AGBL4: variants seen among roughly 807,000 people sequenced by gnomAD.
AGBL4 encodes the protein cytosolic carboxypeptidase 6.
AGBL4 carries 58 observed loss-of-function variants against 66.4 expected under a neutral mutation model. The ratio of observed to expected loss-of-function variants is 0.87; its 90% CI spans 0.71 to 1.09. The LOEUF is 1.09. Ranked by LOEUF, AGBL4 falls within the 50% of genes least tolerant of loss-of-function variation. AGBL4 has a pLI of 0.00. For synonymous variants in AGBL4, 234 were observed against 222.9 expected, an observed-to-expected ratio of 1.05 and a Z score of -0.44; for missense variants, 579 against 631.0, an observed-to-expected ratio of 0.92 and a Z score of 0.88.
chr1:49,745,306 G>C (rs1316047851), intron 2 of AGBL4, among the ~76,000 whole-genome samples: 1 of 151,972 alleles, frequency 6.6e-6, no homozygotes, highest in African/African-American at 2.4e-5. Flanking sequence ...TCCAAAAAAA[G>C]ATGAGAACAG....
chr1:48,628,994 T>C (rs1353130622), intron 9 of AGBL4, among the ~76,000 whole-genome samples: 1 of 152,012 alleles, frequency 6.6e-6, no homozygotes, highest in Non-Finnish European at 1.5e-5. Flanking sequence ...TATTAATCTC[T>C]GTAACCCCAG....
chr1:48,711,088 C>CA (rs1373807725), intron 6 of AGBL4, among the ~76,000 whole-genome samples: 2 of 152,146 alleles, frequency 1.3e-5, no homozygotes, highest in Non-Finnish European at 2.9e-5. Flanking sequence ...GGAGGTCCTC[C>CA]AGGGCCTGAC....
intron 3 of AGBL4, among the ~76,000 whole-genome samples, chr1:49,400,648 T>C (rs1557905210): frequency 6.6e-6 from 1 of 152,210 alleles, no homozygotes; most frequent in African/African-American, 2.4e-5. Flanking sequence ...GATTACTTTT[T>C]AATTTCTTTT....
intron 4 of AGBL4, among the ~76,000 whole-genome samples, chr1:49,211,542 C>G (rs1347483653): frequency 6.6e-6 from 1 of 151,908 alleles, no homozygotes; most frequent in Non-Finnish European, 1.5e-5. Flanking sequence ...AAAAAAATAC[C>G]TCAACAAACA....
intron 2 of AGBL4, among the ~76,000 whole-genome samples, chr1:49,754,058 A>G (rs1228255963): frequency 6.6e-6 from 1 of 152,156 alleles, no homozygotes; most frequent in Admixed American, 6.5e-5. Flanking sequence ...CCACATTCTG[A>G]AGCCTACTTC....
intron 5 of AGBL4, among the ~76,000 whole-genome samples, chr1:48,888,132 A>T (rs1319696241): frequency 1.3e-5 from 2 of 152,312 alleles, no homozygotes. Context: ...CAGCACAAGC[A>T]ACTCAGTTAG....
At chr1:49,138,155 C>T (rs905560397) in intron 4 of AGBL4, among the ~76,000 whole-genome samples, 2 of 152,154 alleles carry the variant, frequency 1.3e-5, no homozygotes, top group Admixed American at 6.6e-5. Context: ...CAGAGCCAGA[C>T]GTTAGAGAGC....
intron 5 of AGBL4, among the ~76,000 whole-genome samples, chr1:48,979,973 T>C (rs975679212): frequency 1.3e-5 from 2 of 152,324 alleles, no homozygotes; most frequent in Non-Finnish European, 2.9e-5. Context: ...TCATTCTGTA[T>C]ATAATAGCTT....
chr1:49,695,856 G>C (rs76415457), intron 3 of AGBL4, among the ~76,000 whole-genome samples: 2,502 of 152,166 alleles, frequency 0.016, 27 homozygotes, highest in Non-Finnish European at 0.025. Flanking sequence ...AAAGCAAAGT[G>C]GCTGTATTTG....
At chr1:49,654,849 A>C (rs961278606) in intron 3 of AGBL4, among the ~76,000 whole-genome samples, 3 of 152,232 alleles carry the variant, frequency 2.0e-5, no homozygotes, top group African/African-American at 7.2e-5. Context: ...CTGAATACAG[A>C]ACACTGATGA....
intron 6 of AGBL4, among the ~76,000 whole-genome samples, chr1:48,826,070 G>T (rs1450669297): frequency 1.3e-5 from 2 of 151,998 alleles, no homozygotes; most frequent in Non-Finnish European, 2.9e-5. Context: ...TCCCTTTATT[G>T]CATTTAAGCC....
At chr1:49,629,777 CTA>C (rs1213078448) in intron 3 of AGBL4, among the ~76,000 whole-genome samples, 1 of 152,148 alleles carries the variant, frequency 6.6e-6, no homozygotes, top group East Asian at 1.9e-4. Flanking sequence ...AATGTATCTG[CTA>C]TAGTATTACG....
intron 6 of AGBL4, chr1:48,776,676 C>G: frequency 6.6e-7 from 1 of 1,506,958 alleles, no homozygotes; most frequent in East Asian, 2.8e-5. Context: ...GCGGGGGGCT[C>G]TCGGGCCCGG....
chr1:49,347,497 C>T (rs552457939), intron 3 of AGBL4, among the ~76,000 whole-genome samples: 72 of 152,038 alleles, frequency 4.7e-4, no homozygotes, highest in African/African-American at 1.5e-3. Context: ...ATGATCCGCC[C>T]GCCTCAGCTT....
intron 4 of AGBL4, among the ~76,000 whole-genome samples, chr1:49,095,928 G>T (rs1645090657): frequency 6.6e-6 from 1 of 152,004 alleles, no homozygotes; most frequent in African/African-American, 2.4e-5. Flanking sequence ...GAAAATTTTT[G>T]CAATCTACTC....
chr1:49,075,041 GA>G (rs1237432594), intron 4 of AGBL4, among the ~76,000 whole-genome samples: 2 of 152,144 alleles, frequency 1.3e-5, no homozygotes, highest in Non-Finnish European at 2.9e-5. Flanking sequence ...CACTTGAAGA[GA>G]AAGGGATTAA....
chr1:49,805,587 C>T (rs1355358313), intron 2 of AGBL4, among the ~76,000 whole-genome samples: 2 of 152,094 alleles, frequency 1.3e-5, no homozygotes, highest in African/African-American at 4.8e-5. Context: ...GAGGTGATGT[C>T]CTTGAGTAGC....
intron 3 of AGBL4, among the ~76,000 whole-genome samples, chr1:49,541,277 T>C (rs1651995194): frequency 6.6e-6 from 1 of 152,120 alleles, no homozygotes; most frequent in Non-Finnish European, 1.5e-5. Context: ...TGGGAGCCCC[T>C]CTCTGGGCTG....
chr1:49,419,000 C>A (rs1202934372), intron 3 of AGBL4, among the ~76,000 whole-genome samples: 1 of 151,880 alleles, frequency 6.6e-6, no homozygotes, highest in Non-Finnish European at 1.5e-5. Context: ...TTAAACTAGC[C>A]CAGGTGAGAG....
Sources: gnomAD v4.1 joint callset for allele counts (sites outside exome capture counted in the v4.1 genomes callset) on GRCh38, gnomAD v4.1.1 for gene constraint, MANE v1.5 for transcripts, NCBI Gene and HGNC (gene_info 2026-07-23, HGNC 2026-07-21) for gene names.